KHDRBS3: variants seen among roughly 807,000 people sequenced by gnomAD.
KHDRBS3 encodes the protein KH domain-containing, RNA-binding, signal transduction-associated protein 3.
A neutral mutation model predicts 45.6 loss-of-function variants in KHDRBS3; 23 were observed. The observed-to-expected ratio is 0.50, with a 90% confidence interval of 0.36 to 0.72. The LOEUF (loss-of-function observed/expected upper bound fraction) is 0.72. Ranked by LOEUF, KHDRBS3 falls within the 30% of genes least tolerant of loss-of-function variation. The pLI, the probability that KHDRBS3 is intolerant of heterozygous loss-of-function variation, is 0.00. For missense variants in KHDRBS3, 352 were observed against 424.8 expected (o/e 0.83, Z 1.51); for synonymous variants, 162 against 156.5 (o/e 1.04, Z -0.26).
intron 5 of KHDRBS3, among the ~76,000 whole-genome samples, chr8:135,580,308 G>T (rs916972394): frequency 2.0e-5 from 3 of 152,186 alleles, no homozygotes; most frequent in African/African-American, 7.2e-5. Context: ...TTTTGGACAA[G>T]ATTATAGAGA....
chr8:135,625,849 A>G (rs1396611388), intron 7 of KHDRBS3: 3 of 768,950 alleles, frequency 3.9e-6, no homozygotes, highest in African/African-American at 1.7e-5. Context: ...ATAAACTGAC[A>G]CTAGGCAGCC....
chr8:135,544,278 T>C (rs2130780711), intron 3 of KHDRBS3, among the ~76,000 whole-genome samples: 1 of 152,254 alleles, frequency 6.6e-6, no homozygotes, highest in African/African-American at 2.4e-5. Flanking sequence ...TTTTGTAGCA[T>C]ACAGTGGTAG....
rs116362469 is a variant in KHDRBS3, at chr8:135,545,707, T to G, written c.324+2937T>G. The stretch of plus-strand genomic sequence containing the variant: ...TTTTCCACCAGTTTTGTCTATCTCT[T>G]GTCCACCTGTACTCCTCTCCCCATT... On this transcript the variant is annotated intron_variant, in intron 3 of 8. Transcript: ENST00000355849. Among the ~76,000 whole-genome samples, 1,433 of 152,308 alleles carry G rather than the reference T, an allele frequency of 9.4e-3. 17 individuals carry two copies. The highest frequency in any genetic ancestry group is 0.032 in the African/African-American group (1,349 of 41,564).
chr8:135,486,159 CAG>C lies in KHDRBS3; in HGVS notation c.88+28206_88+28207del, dbSNP rs200566194. On this transcript the variant is annotated intron_variant, in intron 1 of 8. Coordinates refer to ENST00000355849, the MANE Select transcript of KHDRBS3 (RefSeq NM_006558.3). ...AGCGAAGTAGAAGAGGTCAGTGAGA[CAG>C]GGGGTGATGAGGTGAGTCTCTTTCC... is the stretch of plus-strand genomic sequence containing the variant. Among the ~76,000 whole-genome samples, 836 of 152,100 alleles carry C rather than the reference CAG, an allele frequency of 5.5e-3. 10 individuals are homozygous for C. Among genetic ancestry groups the C allele is most frequent in the East Asian group, 0.017 (88 of 5,164 alleles).
intron 7 of KHDRBS3, among the ~76,000 whole-genome samples, chr8:135,620,250 A>G (rs1316398998): frequency 2.0e-5 from 3 of 151,876 alleles, no homozygotes; most frequent in Non-Finnish European, 2.9e-5. Context: ...TTACTCTTTA[A>G]TGTTCATACT....
At chr8:135,461,225 C>G (rs1321968102) in intron 1 of KHDRBS3, among the ~76,000 whole-genome samples, 1 of 152,198 alleles carries the variant, frequency 6.6e-6, no homozygotes. Flanking sequence ...CCGCCTCAGC[C>G]TCCCGAGTAG....
downstream of KHDRBS3, among the ~76,000 whole-genome samples, chr8:135,649,907 G>T (rs966741171): frequency 6.6e-6 from 1 of 152,106 alleles, no homozygotes; most frequent in Admixed American, 6.5e-5. Context: ...ATCACTATCC[G>T]ACAGGAACTT....
chr8:135,531,462 C>A (rs1264011547), intron 2 of KHDRBS3, among the ~76,000 whole-genome samples: 7 of 151,838 alleles, frequency 4.6e-5, no homozygotes, highest in African/African-American at 1.5e-4. Context: ...TAGTGCTATT[C>A]AATTTGGAGA....
At chr8:135,618,631 T>C (rs1351200231) in intron 7 of KHDRBS3, among the ~76,000 whole-genome samples, 4 of 152,202 alleles carry the variant, frequency 2.6e-5, no homozygotes, top group Non-Finnish European at 5.9e-5. Flanking sequence ...TCTTAAAGTA[T>C]GTGTACCCAG....
intron 6 of KHDRBS3, among the ~76,000 whole-genome samples, chr8:135,604,702 T>G (rs1432014963): frequency 6.6e-6 from 1 of 151,940 alleles, no homozygotes; most frequent in African/African-American, 2.4e-5. Context: ...TGCATACCCA[T>G]CAACATAGAT....
chr8:135,498,324 G>A (rs578181799), intron 1 of KHDRBS3, among the ~76,000 whole-genome samples: 2 of 150,180 alleles, frequency 1.3e-5, no homozygotes, highest in East Asian at 3.9e-4. Flanking sequence ...TTCTCACGAA[G>A]CAAGCCATCC....
At chr8:135,542,995 T>G (rs1424465627) in intron 3 of KHDRBS3, among the ~76,000 whole-genome samples, 1 of 152,210 alleles carries the variant, frequency 6.6e-6, no homozygotes, top group African/African-American at 2.4e-5. Flanking sequence ...AAGTTTTGAT[T>G]GCAGTTGTAA....
intron 7 of KHDRBS3, among the ~76,000 whole-genome samples, chr8:135,619,214 T>C (rs1830038993): frequency 6.6e-6 from 1 of 152,220 alleles, no homozygotes; most frequent in South Asian, 2.1e-4. Flanking sequence ...TATCTATCAT[T>C]TATAAGGATT....
At chr8:135,616,734 T>C (rs558904267) in intron 7 of KHDRBS3, among the ~76,000 whole-genome samples, 5 of 152,216 alleles carry the variant, frequency 3.3e-5, no homozygotes, top group African/African-American at 7.2e-5. Context: ...AAAGCGCTTG[T>C]GTTGATGACC....
In KHDRBS3 at chr8:135,630,001, TG is replaced by T. The variant is rs541344307; in HGVS notation, c.891-15056del. Among the ~76,000 whole-genome samples, 302 of 152,242 alleles carry T rather than the reference TG, an allele frequency of 2.0e-3. 2 individuals carry two copies. Among genetic ancestry groups the T allele is most frequent in the African/African-American group, 6.7e-3 (280 of 41,546 alleles). ...TCTGCTGCTGGACCCTGTCAGGAGA[TG>T]GTTTATGGTGGGAGTGAAGAGATGA... On this transcript the variant is annotated intron_variant, in intron 7 of 8. Transcript: ENST00000355849.
intron 1 of KHDRBS3, among the ~76,000 whole-genome samples, chr8:135,512,602 C>G (rs1824359679): frequency 1.3e-5 from 2 of 152,176 alleles, no homozygotes; most frequent in South Asian, 2.1e-4. Flanking sequence ...TGACTGCTAG[C>G]TAACTCTTTA....
chr8:135,457,950 C>T lies in KHDRBS3; in HGVS notation c.84C>T (p.Asn28=). The change falls in exon 1 of 9, where the codon AAC becomes AAT. Residue 28 remains asparagine, a synonymous_variant. Coordinates refer to ENST00000355849, the MANE Select transcript of KHDRBS3 (RefSeq NM_006558.3). The surrounding 1 kb of genome is among the most constrained non-coding windows in gnomAD (Gnocchi z 4.4). ...TCACGCACGCCCTGCGCCTGGTGAA[C>T]CAAGGTGAGGCGCCGGCCGTTAACT... ...PSFTHALRLV[N]QEIEKFQKGE... is the part of the protein sequence containing the mutation. 1 of 1,594,692 alleles carries T rather than the reference C, an allele frequency of 6.3e-7. No individual in the cohort carries two copies.
At chr8:135,497,742 AT>A in intron 1 of KHDRBS3, among the ~76,000 whole-genome samples, 3 of 152,226 alleles carry the variant, frequency 2.0e-5, no homozygotes, top group Admixed American at 2.0e-4. Context: ...AAGTTATTTA[AT>A]TTTTTTCAGT....
chr8:135,507,293 A>G (rs1353410492), intron 1 of KHDRBS3, among the ~76,000 whole-genome samples: 2 of 152,208 alleles, frequency 1.3e-5, no homozygotes, highest in Non-Finnish European at 2.9e-5. Context: ...TCAGATATCC[A>G]TCTAAGGTAC....
Sources: gnomAD v4.1 joint callset for allele counts (sites outside exome capture counted in the v4.1 genomes callset) on GRCh38, gnomAD v4.1.1 for gene constraint, Gnocchi (gnomAD v3.1) non-coding constraint, MANE v1.5 for transcripts, NCBI Gene and HGNC (gene_info 2026-07-23, HGNC 2026-07-21) for gene names.